The following INPP4B variants were observed in gnomAD, a reference collection of about 807,000 sequenced individuals.
The protein encoded by INPP4B is inositol polyphosphate 4-phosphatase type II.
INPP4B carries 55 observed loss-of-function variants against 122.5 expected under a neutral mutation model. The ratio of observed to expected loss-of-function variants is 0.45; its 90% CI spans 0.36 to 0.56. The LOEUF (loss-of-function observed/expected upper bound fraction) is 0.56, where lower values mean the gene tolerates loss of function less well. Ranked by LOEUF, INPP4B falls within the 20% of genes least tolerant of loss-of-function variation. The pLI is 0.00. For missense variants in INPP4B, 1,000 were observed against 1,097.7 expected, an observed-to-expected ratio of 0.91 and a Z score of 1.26; for synonymous variants, 403 against 388.7, an observed-to-expected ratio of 1.04 and a Z score of -0.43.
intron 2 of INPP4B, among the ~76,000 whole-genome samples, chr4:142,528,950 A>G (rs1051539645): frequency 1.5e-4 from 23 of 152,256 alleles, no homozygotes; most frequent in Non-Finnish European, 2.9e-4. Context: ...ATTTGAATGA[A>G]TATTAGAATT....
At position 142,062,667 on chromosome 4, in the gene INPP4B, C is replaced by T. The variant is rs183692899; in HGVS notation, c.2642+19364G>A. 5.9e-5 allele frequency among the ~76,000 whole-genome samples: 9 copies of T among 152,044 alleles called. No individual in the cohort carries two copies. In the East Asian group the frequency reaches 7.8e-4, roughly 13 times the overall value. On this transcript the variant is annotated intron_variant, in intron 25 of 25. Transcript: ENST00000262992. ...AGGAGAATCACTTGAACCTGGGAGGCGGAGGTTGCAGTGAGCCAAGATGGC... is the reference window on the plus strand; with the variant it reads ...AGGAGAATCACTTGAACCTGGGAGGTGGAGGTTGCAGTGAGCCAAGATGGC...
chr4:142,118,779 C>A (rs536567638), intron 21 of INPP4B, among the ~76,000 whole-genome samples: 4 of 152,052 alleles, frequency 2.6e-5, no homozygotes, highest in Non-Finnish European at 4.4e-5. Context: ...GCAACAAAAG[C>A]CAAAATTGAG....
In INPP4B at chr4:142,644,278, G is replaced by C. The variant is rs531514388; in HGVS notation, c.-191+81561C>G. Among the ~76,000 whole-genome samples the C allele has an allele frequency of 2.7e-5, 4 of 147,628 alleles. No homozygotes were observed. The Admixed American group carries it at 2.7e-4, about 10-fold the overall frequency. ...GAAGGGGGTCAGGAGGAGGAGGAGT[G>C]GGGGAGGAGGAGAAGGAAGAGGAGG... On this transcript the variant is annotated intron_variant, in intron 2 of 25. Transcript: ENST00000262992.
intron 2 of INPP4B, among the ~76,000 whole-genome samples, chr4:142,581,437 T>C (rs1414158860): frequency 6.6e-6 from 1 of 151,870 alleles, no homozygotes; most frequent in Non-Finnish European, 1.5e-5. Context: ...ATCATCAAGG[T>C]CAGTGGACAA....
intron 1 of INPP4B, among the ~76,000 whole-genome samples, chr4:142,811,804 A>G (rs2151124987): frequency 6.6e-6 from 1 of 152,278 alleles, no homozygotes; most frequent in Middle Eastern, 3.4e-3. Context: ...TCCCCACTCC[A>G]TGAGGATTAG....
rs1011864300 is a variant in INPP4B, at chr4:142,372,879, C to T, written c.372+30059G>A. 3.9e-5 allele frequency among the ~76,000 whole-genome samples: 6 copies of T among 152,108 alleles called. No individual in the cohort carries two copies. The East Asian group carries it at 7.8e-4, about 20-fold the overall frequency. On this transcript the variant is annotated intron_variant, in intron 7 of 25. Transcript: ENST00000262992. ...CTGACTCCTGCTGCCTTCCTAGTCTCACAAATAGGAATTCATATGATTAAG... is the reference window on the plus strand; with the variant it reads ...CTGACTCCTGCTGCCTTCCTAGTCTTACAAATAGGAATTCATATGATTAAG...
intron 24 of INPP4B, among the ~76,000 whole-genome samples, chr4:142,083,640 A>G (rs1274226116): frequency 2.0e-5 from 3 of 152,210 alleles, no homozygotes; most frequent in African/African-American, 4.8e-5. Flanking sequence ...ACCATGTTTT[A>G]ATTGTGATTC....
At chr4:142,746,834 A>G (rs971086681) in intron 1 of INPP4B, among the ~76,000 whole-genome samples, 1 of 152,202 alleles carries the variant, frequency 6.6e-6, no homozygotes, top group Non-Finnish European at 1.5e-5. Context: ...GAAAGCTGAA[A>G]CTGGATCCCT....
intron 2 of INPP4B, among the ~76,000 whole-genome samples, chr4:142,677,069 G>T (rs781542730): frequency 6.6e-6 from 1 of 152,010 alleles, no homozygotes. Flanking sequence ...TACAGAATAG[G>T]AGAAAATTTT....
intron 3 of INPP4B, among the ~76,000 whole-genome samples, chr4:142,440,235 A>G (rs1811398921): frequency 6.6e-6 from 1 of 152,222 alleles, no homozygotes; most frequent in South Asian, 2.1e-4. Flanking sequence ...GTAGGAGGAA[A>G]TCAAATGAAT....
At chr4:142,680,362 C>G (rs1758445726) in intron 2 of INPP4B, among the ~76,000 whole-genome samples, 1 of 151,810 alleles carries the variant, frequency 6.6e-6, no homozygotes, top group Admixed American at 6.6e-5. Context: ...CCTATCATAT[C>G]CCTCAAGGGA....
intron 7 of INPP4B, among the ~76,000 whole-genome samples, chr4:142,323,571 C>G (rs533916801): frequency 6.1e-4 from 92 of 151,468 alleles, no homozygotes; most frequent in Non-Finnish European, 1.2e-3. Flanking sequence ...TCAGCCTCCC[C>G]AGTAGCTGGG....
chr4:142,342,535 G>C (rs1779017241), intron 7 of INPP4B, among the ~76,000 whole-genome samples: 1 of 152,054 alleles, frequency 6.6e-6, no homozygotes, highest in South Asian at 2.1e-4. Context: ...TTTATGTTGA[G>C]GATGGAGAAA....
chr4:142,682,858 G>A (rs1182635509), intron 2 of INPP4B, among the ~76,000 whole-genome samples: 2 of 151,910 alleles, frequency 1.3e-5, no homozygotes. Flanking sequence ...ATATCCATTA[G>A]TAGGTATAAA....
intron 25 of INPP4B, among the ~76,000 whole-genome samples, chr4:142,033,954 A>G (rs1742134090): frequency 2.0e-5 from 3 of 152,158 alleles, no homozygotes; most frequent in Admixed American, 2.0e-4. Flanking sequence ...GGCATGAGCC[A>G]CTGTGCCTGG....
chr4:142,135,530 C>T (rs1365806227), intron 18 of INPP4B, among the ~76,000 whole-genome samples: 2 of 152,076 alleles, frequency 1.3e-5, no homozygotes, highest in Non-Finnish European at 1.5e-5. Flanking sequence ...GAGCAGTGAC[C>T]CCCTTTTGGA....
chr4:142,183,341 T>A (rs7672422), intron 15 of INPP4B, among the ~76,000 whole-genome samples: 10,775 of 152,236 alleles, frequency 0.071, 1,299 homozygotes, highest in African/African-American at 0.25. Flanking sequence ...GTAAGCCTCA[T>A]CACAAGGAAG....
At chr4:142,476,486 A>G (rs1819792150) in intron 2 of INPP4B, among the ~76,000 whole-genome samples, 1 of 152,192 alleles carries the variant, frequency 6.6e-6, no homozygotes, top group Admixed American at 6.5e-5. Flanking sequence ...TTAAATGTAA[A>G]TGGACTGAAT....
At chr4:142,282,981 A>T (rs1751891873) in intron 9 of INPP4B, among the ~76,000 whole-genome samples, 1 of 152,126 alleles carries the variant, frequency 6.6e-6, no homozygotes. Flanking sequence ...GAGGTCAAAT[A>T]ATCAACAGAA....
Sources: gnomAD v4.1 joint callset for allele counts (sites outside exome capture counted in the v4.1 genomes callset) on GRCh38, gnomAD v4.1.1 for gene constraint, MANE v1.5 for transcripts, NCBI Gene and HGNC (gene_info 2026-07-23, HGNC 2026-07-21) for gene names.